ABCC4: variants seen among roughly 807,000 people sequenced by gnomAD.
ABCC4 encodes ATP binding cassette subfamily C member 4 (PEL blood group), also known as ATP-binding cassette sub-family C member 4.
ABCC4 carries 102 observed loss-of-function variants against 168.5 expected under a neutral mutation model. The ratio of observed to expected loss-of-function variants is 0.61; its 90% CI spans 0.52 to 0.71. The LOEUF (loss-of-function observed/expected upper bound fraction) is 0.71. ABCC4 is among the 30% of genes least tolerant of loss of function. The probability of loss-of-function intolerance (pLI) is 0.00; values close to 1 mark genes in which losing one functional copy is unlikely to be tolerated. For synonymous variants in ABCC4, 617 were observed against 590.7 expected (o/e 1.04, Z -0.65); for missense variants, 1,402 against 1,605.8 (o/e 0.87, Z 2.17).
chr13:95,295,605 C>T (rs1425271043), intron 1 of ABCC4, among the ~76,000 whole-genome samples: 2 of 151,504 alleles, frequency 1.3e-5, no homozygotes, highest in African/African-American at 2.4e-5. Flanking sequence ...TTGTAGTGAC[C>T]CAAGATCACG....
chr13:95,131,990 T>C (rs1022110679), intron 19 of ABCC4, among the ~76,000 whole-genome samples: 6 of 152,064 alleles, frequency 3.9e-5, no homozygotes, highest in Admixed American at 2.6e-4. Context: ...CTAAAAGAGA[T>C]ATGCGCACAC....
At chr13:95,181,513 G>C (rs2037890235) in intron 11 of ABCC4, among the ~76,000 whole-genome samples, 1 of 152,160 alleles carries the variant, frequency 6.6e-6, no homozygotes, top group Non-Finnish European at 1.5e-5. Context: ...CTAAGGCTTT[G>C]TTTATATTTC....
At chr13:95,127,993 A>G (rs1445726713) in intron 19 of ABCC4, among the ~76,000 whole-genome samples, 1 of 152,150 alleles carries the variant, frequency 6.6e-6, no homozygotes, top group East Asian at 1.9e-4. Context: ...TTTATATTCT[A>G]AGAAAAAGGT....
At chr13:95,057,534 G>A (rs9556457) in intron 26 of ABCC4, among the ~76,000 whole-genome samples, 26,948 of 152,050 alleles carry the variant, frequency 0.18, 2,570 homozygotes, top group East Asian at 0.29. Context: ...CACCGTGCCC[G>A]GCCCAGTATT....
At chr13:95,217,656 C>T (rs1282620531) in intron 4 of ABCC4, among the ~76,000 whole-genome samples, 1 of 148,722 alleles carries the variant, frequency 6.7e-6, no homozygotes, top group Non-Finnish European at 1.5e-5. Flanking sequence ...ATCGCTTGAA[C>T]CCGAGAGGCA....
intron 4 of ABCC4, 24 bp downstream of exon 4, chr13:95,234,586 T>A (rs747067050): frequency 1.3e-6 from 2 of 1,586,404 alleles, no homozygotes; most frequent in South Asian, 2.2e-5. Context: ...GTGAGGTACA[T>A]GTTTAATGCT....
At chr13:95,188,630 T>C (rs1324624615) in intron 9 of ABCC4, 88 bp from the exon 10 acceptor site, 1 of 1,066,982 alleles carries the variant, frequency 9.4e-7, no homozygotes, top group East Asian at 2.5e-5. Flanking sequence ...CAACAGTCAT[T>C]GATACATGAA....
chr13:95,095,585 C>T (rs1245854000), intron 20 of ABCC4, among the ~76,000 whole-genome samples: 1 of 152,040 alleles, frequency 6.6e-6, no homozygotes, highest in Admixed American at 6.6e-5. Context: ...AAATATGGTG[C>T]AGTGTACACT....
chr13:95,208,889 G>A (rs1391104497), intron 6 of ABCC4, among the ~76,000 whole-genome samples: 1 of 151,952 alleles, frequency 6.6e-6, no homozygotes, highest in Non-Finnish European at 1.5e-5. Context: ...CAAAGTGTTG[G>A]GATTACAGGC....
At chr13:95,023,599 A>AG (rs1391092344) in intron 30 of ABCC4, among the ~76,000 whole-genome samples, 1 of 152,204 alleles carries the variant, frequency 6.6e-6, no homozygotes, top group Non-Finnish European at 1.5e-5. Flanking sequence ...AGATAACAAT[A>AG]GCTTACGTCA....
chr13:95,051,785 G>A (rs2032848485), intron 27 of ABCC4, among the ~76,000 whole-genome samples: 1 of 151,842 alleles, frequency 6.6e-6, no homozygotes, highest in South Asian at 2.1e-4. Flanking sequence ...TCCTGCCTCA[G>A]CCTCCTGAGT....
intron 1 of ABCC4, among the ~76,000 whole-genome samples, chr13:95,248,114 C>A (rs564676957): frequency 6.6e-6 from 1 of 152,238 alleles, no homozygotes; most frequent in South Asian, 2.1e-4. Flanking sequence ...CCATGAGATA[C>A]CATACGATAA....
At chr13:95,049,883 G>A (rs2139256848) in intron 27 of ABCC4, among the ~76,000 whole-genome samples, 1 of 152,252 alleles carries the variant, frequency 6.6e-6, no homozygotes, top group African/African-American at 2.4e-5. Flanking sequence ...TGACAGTGCT[G>A]TCCTAATCTC....
chr13:95,075,344 C>CT, intron 22 of ABCC4, 88 bp downstream of exon 22: 1 of 1,568,520 alleles, frequency 6.4e-7, no homozygotes, highest in Non-Finnish European at 8.7e-7. Context: ...CCTGAGGTGC[C>CT]TGCCAACAAG....
intron 1 of ABCC4, among the ~76,000 whole-genome samples, chr13:95,280,558 G>C (rs1161567233): frequency 7.6e-6 from 1 of 132,198 alleles, no homozygotes; most frequent in Non-Finnish European, 1.6e-5. Context: ...GCCATTTGCT[G>C]TTTTGCCTTC....
intron 20 of ABCC4, among the ~76,000 whole-genome samples, chr13:95,097,169 C>A (rs2034627822): frequency 1.3e-5 from 2 of 151,408 alleles, no homozygotes; most frequent in African/African-American, 2.4e-5. Flanking sequence ...TCTAGAGCAA[C>A]CACTAAAAAC....
intron 26 of ABCC4, among the ~76,000 whole-genome samples, chr13:95,057,387 G>A (rs907033863): frequency 1.3e-5 from 2 of 151,986 alleles, no homozygotes; most frequent in South Asian, 2.1e-4. Flanking sequence ...CTACAGATGC[G>A]CACCACCACG....
intron 8 of ABCC4, among the ~76,000 whole-genome samples, chr13:95,196,173 A>C (rs970888667): frequency 1.3e-5 from 2 of 151,046 alleles, no homozygotes; most frequent in Middle Eastern, 3.4e-3. Flanking sequence ...AAACAGAATA[A>C]ACAACCTAGA....
chr13:95,053,221 CT>C (rs1296303842), intron 26 of ABCC4, 37 bp from the exon 27 acceptor site: 7 of 1,511,402 alleles, frequency 4.6e-6, no homozygotes, highest in Admixed American at 1.7e-5. Flanking sequence ...TTACCACAGA[CT>C]CTTTTTTCAT....
Sources: allele counts gnomAD v4.1 joint callset (sites outside exome capture counted in the v4.1 genomes callset), GRCh38; gene constraint gnomAD v4.1.1; transcripts MANE v1.5; gene names NCBI Gene and HGNC (gene_info 2026-07-23, HGNC 2026-07-21).